DCAF8L2: variants seen among roughly 807,000 people sequenced by gnomAD.
The protein encoded by DCAF8L2 is DDB1 and CUL4 associated factor 8 like 2.
For synonymous variants in DCAF8L2, 200 were observed against 190.9 expected (o/e 1.05, Z -0.39); for missense variants, 430 against 490.7 (o/e 0.88, Z 1.17).
the DCAF8L2 span, among the ~76,000 whole-genome samples, chrX:27,527,621 T>G: frequency 9.0e-6 from 1 of 110,714 alleles, no homozygotes; most frequent in Admixed American, 9.6e-5. Context: ...TCGCTCACAC[T>G]GGGAGCTGTA....
At chrX:27,702,564 G>A (rs1165903474) in intron 3 of DCAF8L2, among the ~76,000 whole-genome samples, 1 of 110,549 alleles carries the variant, frequency 9.0e-6, no homozygotes, top group Admixed American at 9.7e-5. Context: ...AGAAGCAATT[G>A]ATTTAATATA....
the DCAF8L2 span, among the ~76,000 whole-genome samples, chrX:27,529,527 G>C: frequency 9.0e-6 from 1 of 111,303 alleles, no homozygotes; most frequent in Non-Finnish European, 1.9e-5. Flanking sequence ...ACAAGAAATT[G>C]GTAAGCACAC....
the DCAF8L2 span, among the ~76,000 whole-genome samples, chrX:27,490,702 C>T: frequency 9.0e-6 from 1 of 110,961 alleles, no homozygotes; most frequent in South Asian, 3.8e-4. Flanking sequence ...CCTTATAATC[C>T]GCCCACCTCG....
chrX:27,723,026 G>A (rs1478306178), intron 4 of DCAF8L2, among the ~76,000 whole-genome samples: 1 of 110,247 alleles, frequency 9.1e-6, no homozygotes, highest in Non-Finnish European at 1.9e-5. Flanking sequence ...ATTTACAATG[G>A]CAACAGAACA....
At chrX:27,729,019 A>G (rs375003170) in intron 4 of DCAF8L2, among the ~76,000 whole-genome samples, 22 of 111,962 alleles carry the variant, frequency 2.0e-4, no homozygotes, top group African/African-American at 7.1e-4. Context: ...ATCCCTCCAC[A>G]TATGTAAAAA....
chrX:27,557,120 A>G, the DCAF8L2 span, among the ~76,000 whole-genome samples: 1 of 112,413 alleles, frequency 8.9e-6, no homozygotes, highest in Non-Finnish European at 1.9e-5. Context: ...AAATATTTCT[A>G]GGTATTCAGG....
intron 1 of DCAF8L2, among the ~76,000 whole-genome samples, chrX:27,590,722 A>G (rs1237064770): frequency 9.1e-6 from 1 of 110,474 alleles, no homozygotes; most frequent in East Asian, 2.8e-4. Context: ...ATACATTGAT[A>G]TGAAAATATT....
chrX:27,518,022 G>A, the DCAF8L2 span: 1 of 1,044,496 alleles, frequency 9.6e-7, no homozygotes, highest in African/African-American at 1.8e-5. Flanking sequence ...AGGTGACACA[G>A]CAAGATGTTA....
chrX:27,590,991 T>TTTTATA (rs761150025), intron 1 of DCAF8L2, among the ~76,000 whole-genome samples: 197 of 68,060 alleles, frequency 2.9e-3, no homozygotes, highest in African/African-American at 8.3e-3. Flanking sequence ...CCTTTACATT[T>TTTTATA]TATATATATA....
the DCAF8L2 span, among the ~76,000 whole-genome samples, chrX:27,562,410 A>T: frequency 8.9e-5 from 10 of 112,368 alleles, no homozygotes; most frequent in African/African-American, 3.2e-4. Flanking sequence ...TATCACCAGG[A>T]GTCCTCCTCG....
At chrX:27,581,960 T>C in the DCAF8L2 span, among the ~76,000 whole-genome samples, 1 of 112,059 alleles carries the variant, frequency 8.9e-6, no homozygotes, top group Non-Finnish European at 1.9e-5. Flanking sequence ...AAGACGTGGG[T>C]TTATTTTATT....
chrX:27,576,977 G>A, the DCAF8L2 span, among the ~76,000 whole-genome samples: 1 of 111,717 alleles, frequency 9.0e-6, no homozygotes, highest in African/African-American at 3.3e-5. Flanking sequence ...GCTGCTAGAA[G>A]GCTCTCACCC....
At chrX:27,684,401 A>C (rs1473060096) in intron 3 of DCAF8L2, among the ~76,000 whole-genome samples, 1 of 112,198 alleles carries the variant, frequency 8.9e-6, no homozygotes, top group Non-Finnish European at 1.9e-5. Context: ...TTTTACATGT[A>C]TTAAAACTCA....
At chrX:27,739,218 C>T (rs1921716687) in intron 4 of DCAF8L2, among the ~76,000 whole-genome samples, 1 of 110,564 alleles carries the variant, frequency 9.0e-6, no homozygotes, top group African/African-American at 3.3e-5. Context: ...TCACTTCTTC[C>T]CTCTCCTTTC....
At chrX:27,656,783 T>C (rs1433746918) in intron 2 of DCAF8L2, among the ~76,000 whole-genome samples, 1 of 111,805 alleles carries the variant, frequency 8.9e-6, no homozygotes, top group Non-Finnish European at 1.9e-5. Context: ...ACACTAACTT[T>C]CTGTTTATTC....
At chrX:27,514,133 T>G in the DCAF8L2 span, among the ~76,000 whole-genome samples, 3 of 111,445 alleles carry the variant, frequency 2.7e-5, no homozygotes, top group African/African-American at 9.8e-5. Flanking sequence ...AGTGTATATG[T>G]ACACATATGT....
chrX:27,641,370 G>A (rs748212671), intron 2 of DCAF8L2, among the ~76,000 whole-genome samples: 5 of 109,577 alleles, frequency 4.6e-5, no homozygotes, highest in Non-Finnish European at 7.6e-5. Context: ...ATTTTTTTCA[G>A]TAATTTAAAG....
chrX:27,552,414 A>G, the DCAF8L2 span, among the ~76,000 whole-genome samples: 10 of 111,326 alleles, frequency 9.0e-5, no homozygotes, highest in Non-Finnish European at 1.7e-4. Flanking sequence ...GTCTTCTAGT[A>G]GTTTTATAAT....
intron 3 of DCAF8L2, among the ~76,000 whole-genome samples, chrX:27,705,711 C>A (rs1452460513): frequency 8.9e-6 from 1 of 111,789 alleles, no homozygotes; most frequent in African/African-American, 3.3e-5. Flanking sequence ...GCATAGTTTG[C>A]AAATATTTTC....
Sources: allele counts gnomAD v4.1 joint callset (sites outside exome capture counted in the v4.1 genomes callset), GRCh38; gene constraint gnomAD v4.1.1; transcripts MANE v1.5; gene names NCBI Gene and HGNC (gene_info 2026-07-23, HGNC 2026-07-21).